Variants in INPP4B observed in about 807,000 individuals in gnomAD.
The protein encoded by INPP4B is inositol polyphosphate 4-phosphatase type II.
INPP4B carries 55 observed loss-of-function variants against 122.5 expected under a neutral mutation model. The ratio of observed to expected loss-of-function variants is 0.45; its 90% CI spans 0.36 to 0.56. The LOEUF (loss-of-function observed/expected upper bound fraction) is 0.56. Ranked by LOEUF, INPP4B falls within the 20% of genes least tolerant of loss-of-function variation. INPP4B has a pLI of 0.00. For missense variants in INPP4B, 1,000 were observed against 1,097.7 expected, an observed-to-expected ratio of 0.91 and a Z score of 1.26; for synonymous variants, 403 against 388.7, an observed-to-expected ratio of 1.04 and a Z score of -0.43.
chr4:142,641,060 A>G (rs2150479531), intron 2 of INPP4B, among the ~76,000 whole-genome samples: 1 of 152,224 alleles, frequency 6.6e-6, no homozygotes, highest in East Asian at 1.9e-4. Context: ...AGATGTAATA[A>G]TTGCACTCCT....
At chr4:142,287,297 C>G (rs949997320) in intron 9 of INPP4B, 3 of 152,256 alleles carry the variant, frequency 2.0e-5, no homozygotes, top group Non-Finnish European at 4.4e-5. Context: ...TAGCTCCCAT[C>G]AGAGTCCCAA....
At chr4:142,129,233 T>C (rs1370604754) in intron 18 of INPP4B, among the ~76,000 whole-genome samples, 10 of 152,116 alleles carry the variant, frequency 6.6e-5, no homozygotes, top group African/African-American at 2.2e-4. Context: ...TTACAGCCAG[T>C]AGGGGTTTTC....
At chr4:142,086,835 G>T (rs1312404790) in intron 23 of INPP4B, among the ~76,000 whole-genome samples, 2 of 152,114 alleles carry the variant, frequency 1.3e-5, no homozygotes, top group African/African-American at 4.8e-5. Context: ...CAGCATTTTG[G>T]ACAAAGATGT....
At chr4:142,296,832 G>A (rs1758908889) in intron 9 of INPP4B, among the ~76,000 whole-genome samples, 2 of 152,292 alleles carry the variant, frequency 1.3e-5, no homozygotes, top group Admixed American at 6.5e-5. Flanking sequence ...ATTACAAAAT[G>A]GCTGATGTTA....
Position 142,101,399 on chromosome 4 carries a change from G to A in INPP4B, c.2374+6694C>T, listed in dbSNP as rs562388812. The stretch of plus-strand genomic sequence containing the variant: ...GAGCTCATCAAATCACCACTATGAA[G>A]GAAATACTTAAGTAGCTTCAATTCT... On this transcript the variant is annotated intron_variant, in intron 23 of 25. Coordinates refer to ENST00000262992, the MANE Select transcript of INPP4B (RefSeq NM_001101669.3). Among the ~76,000 whole-genome samples the A allele has an allele frequency of 2.0e-5, 3 of 152,188 alleles. No homozygotes were observed. The South Asian group carries it at 6.2e-4, about 32-fold the overall frequency.
chr4:142,350,931 G>A (rs1452285917), intron 7 of INPP4B, among the ~76,000 whole-genome samples: 1 of 151,876 alleles, frequency 6.6e-6, no homozygotes, highest in Non-Finnish European at 1.5e-5. Context: ...CTTCTAACAG[G>A]GAGCCCAGAT....
intron 5 of INPP4B, among the ~76,000 whole-genome samples, chr4:142,420,312 T>C (rs1055534103): frequency 6.6e-5 from 10 of 152,246 alleles, no homozygotes; most frequent in Middle Eastern, 3.4e-3. Flanking sequence ...TTAAATGATA[T>C]AGTCCTGGCA....
At chr4:142,081,976 A>G in intron 25 of INPP4B, 55 bp downstream of exon 25, 1 of 1,273,684 alleles carries the variant, frequency 7.9e-7, no homozygotes, top group Non-Finnish European at 1.0e-6. Context: ...AAAAAAAAAT[A>G]AAAACAACTC....
chr4:142,556,420 A>G (rs1473047092), intron 2 of INPP4B, among the ~76,000 whole-genome samples: 1 of 152,224 alleles, frequency 6.6e-6, no homozygotes. Context: ...AAATGAGGAC[A>G]TGGGTTAGAA....
chr4:142,784,725 T>C (rs889796526), intron 1 of INPP4B, among the ~76,000 whole-genome samples: 10 of 151,586 alleles, frequency 6.6e-5, no homozygotes, highest in South Asian at 6.3e-4. Context: ...CTGAGAAAAA[T>C]GTTTTTTTTT....
chr4:142,431,420 T>TTGGA (rs1489713019), intron 3 of INPP4B, 35 bp from the exon 4 acceptor site: 1 of 613,314 alleles, frequency 1.6e-6, no homozygotes, highest in Non-Finnish European at 2.9e-6. Context: ...TTCAGTCATA[T>TTGGA]TGGAGTTCAG....
At chr4:142,569,588 T>A (rs1417519241) in intron 2 of INPP4B, among the ~76,000 whole-genome samples, 1 of 152,156 alleles carries the variant, frequency 6.6e-6, no homozygotes, top group East Asian at 1.9e-4. Context: ...CTTGACACCG[T>A]GTATGCTGGT....
chr4:142,426,394 C>T (rs1236556667), intron 5 of INPP4B: 2 of 151,850 alleles, frequency 1.3e-5, no homozygotes, highest in Non-Finnish European at 2.9e-5. Flanking sequence ...ACTCAGTGTT[C>T]TCTTAGGTTT....
chr4:142,684,255 A>G (rs945986510), intron 2 of INPP4B, among the ~76,000 whole-genome samples: 3 of 152,068 alleles, frequency 2.0e-5, no homozygotes, highest in Non-Finnish European at 4.4e-5. Context: ...TTATGAAACG[A>G]TACAAAATGA....
intron 2 of INPP4B, among the ~76,000 whole-genome samples, chr4:142,663,783 T>G (rs1354742895): frequency 6.6e-6 from 1 of 152,158 alleles, no homozygotes; most frequent in Non-Finnish European, 1.5e-5. Flanking sequence ...GTCACCATAG[T>G]TTTCTGATTT....
At chr4:142,529,536 T>C (rs150266398) in intron 2 of INPP4B, among the ~76,000 whole-genome samples, 69 of 152,152 alleles carry the variant, frequency 4.5e-4, no homozygotes, top group African/African-American at 1.5e-3. Flanking sequence ...CATAAAAATA[T>C]ATTTTATGTG....
At chr4:142,703,955 T>G (rs1272034626) in intron 2 of INPP4B, among the ~76,000 whole-genome samples, 3 of 152,140 alleles carry the variant, frequency 2.0e-5, no homozygotes, top group Admixed American at 6.5e-5. Flanking sequence ...AATCTGGCAC[T>G]TAACTAGCCA....
At position 142,143,712 on chromosome 4, in the gene INPP4B, T is replaced by C. The variant is rs75737141; in HGVS notation, c.1720+2128A>G. ...ATTCCAGTTCTGACAATCTAACTTATGGGGAAATAAAATTTAGTTAAAGAC... is the reference window on the plus strand; with the variant it reads ...ATTCCAGTTCTGACAATCTAACTTACGGGGAAATAAAATTTAGTTAAAGAC... On this transcript the variant is annotated intron_variant, in intron 18 of 25. Transcript: ENST00000262992. Among the ~76,000 whole-genome samples the C allele has an allele frequency of 3.2e-3, 492 of 152,150 alleles. 3 individuals carry two copies. Among genetic ancestry groups the C allele is most frequent in the African/African-American group, 0.011 (444 of 41,556 alleles).
At chr4:142,282,245 T>C (rs2150800178) in intron 9 of INPP4B, among the ~76,000 whole-genome samples, 1 of 152,228 alleles carries the variant, frequency 6.6e-6, no homozygotes, top group Middle Eastern at 3.4e-3. Flanking sequence ...GCAAGATTTT[T>C]GCAGAAAGAA....
Sources: allele counts gnomAD v4.1 joint callset (sites outside exome capture counted in the v4.1 genomes callset), GRCh38; gene constraint gnomAD v4.1.1; transcripts MANE v1.5; gene names NCBI Gene and HGNC (gene_info 2026-07-23, HGNC 2026-07-21).